Variants in PKDREJ observed in about 807,000 individuals in gnomAD.
The protein encoded by PKDREJ is polycystin family receptor for egg jelly.
For synonymous variants in PKDREJ, 1,031 were observed against 1,095.5 expected, an observed-to-expected ratio of 0.94 and a Z score of 1.16; for missense variants, 2,507 against 2,807.2, an observed-to-expected ratio of 0.89 and a Z score of 2.42.
Position 46,258,540 on chromosome 22 carries a change from T to A in PKDREJ, c.4783A>T (p.Ile1595Phe). 1.9e-6 allele frequency: 3 copies of A among 1,614,100 alleles called. No individual in the cohort carries two copies. Among genetic ancestry groups the A allele is most frequent in the Non-Finnish European group, 2.5e-6 (3 of 1,180,008 alleles). Residue 1595 changes from isoleucine to phenylalanine, a missense_variant, in exon 1 of 1, where the codon ATT becomes TTT. Transcript: ENST00000253255. The surrounding 1 kb of genome is among the most constrained non-coding windows in gnomAD (Gnocchi z 6.1). ...FATSSISSFF[I>F]VFYGLTYGYD... ...CCGTAAGTCAGTCCATAAAATACAATGAAGAATGAGGATATGCTAGAAGTA... is the reference window on the plus strand; with the variant it reads ...CCGTAAGTCAGTCCATAAAATACAAAGAAGAATGAGGATATGCTAGAAGTA...
Position 46,259,379 on chromosome 22 carries a change from T to G in PKDREJ, c.3944A>C (p.Lys1315Thr). ...RSPSWYLSRI[K>T]VENLFSRHIW... ...GTGCCTGCTAAACAGATTTTCCACT[T>G]TGATTCTACTTAAATACCAGCTAGG... is the stretch of plus-strand genomic sequence containing the variant. The change falls in exon 1 of 1, where the codon AAA becomes ACA. Residue 1315 changes from lysine to threonine, a missense_variant. Coordinates refer to ENST00000253255, the MANE Select transcript of PKDREJ (RefSeq NM_006071.2). This position sits in a 1 kb window ranked among gnomAD's most constrained non-coding sequence, Gnocchi z 6.8. 1.9e-6 allele frequency: 3 copies of G among 1,614,238 alleles called. No homozygotes were observed. The highest frequency in any genetic ancestry group is 2.5e-6 in the Non-Finnish European group (3 of 1,180,044).
rs967151357 is a variant in PKDREJ at position 46,261,899 on chromosome 22, C to T, written c.1424G>A (p.Arg475Lys). Residue 475 changes from arginine (R) to lysine (K), a missense_variant, in exon 1 of 1, where the codon AGA (arginine) becomes AAA (lysine). By Grantham distance (26) the Arg-to-Lys change is conservative. Transcript: ENST00000253255. The surrounding 1 kb of genome is among the most constrained non-coding windows in gnomAD (Gnocchi z 7.1). The part of the protein sequence containing the change: ...NCERNFIVSD[R>K]FSLFLNCTNC... ...TGTGCAATTTAGGAACAAAGAAAAT[C>T]TATCAGAGACAATGAAGTTTCTCTC... The T allele has an allele frequency of 6.2e-7, 1 of 1,614,032 alleles. No homozygotes were observed. The highest frequency in any genetic ancestry group is 1.3e-5 in the African/African-American group (1 of 75,042).
In PKDREJ at chr22:46,261,050, G is replaced by C; in HGVS notation, c.2273C>G (p.Thr758Ser). Residue 758 changes from threonine (T) to serine (S), a missense_variant, in exon 1 of 1, where the codon ACT becomes AGT. By Grantham distance (58) the Thr-to-Ser change is moderately conservative. Transcript: ENST00000253255. This position sits in a 1 kb window ranked among gnomAD's most constrained non-coding sequence, Gnocchi z 7.1. ...TLVEIGQVVM[T>S]ITKLTQKPSE... is the part of the protein sequence containing the mutation. Reference sequence around the variant, plus strand: ...GGGTTTCTGGGTTAATTTGGTAATAGTCATGACTACCTGGCCAATTTCTAC... The same window carrying C: ...GGGTTTCTGGGTTAATTTGGTAATACTCATGACTACCTGGCCAATTTCTAC... 3 of 1,614,116 alleles carry C rather than the reference G, an allele frequency of 1.9e-6. No homozygotes were observed. The highest frequency in any genetic ancestry group is 2.5e-6 in the Non-Finnish European group (3 of 1,180,016).
At position 46,262,620 on chromosome 22, in the gene PKDREJ, T is replaced by C. The variant is rs1378001995; in HGVS notation, c.703A>G (p.Met235Val). The change falls in exon 1 of 1, where the codon ATG (methionine) becomes GTG (valine). Residue 235 changes from methionine (M) to valine (V), a missense_variant. Coordinates refer to ENST00000253255, the MANE Select transcript of PKDREJ (RefSeq NM_006071.2). This position sits in a 1 kb window ranked among gnomAD's most constrained non-coding sequence, Gnocchi z 8.1. ...DQKGAPVRLSMQAEATINASV... is the reference protein window; with the variant it reads ...DQKGAPVRLSVQAEATINASV... ...GCGTTGATGGTGGCCTCCGCCTGCA[T>C]GCTCAGGCGCACGGGGGCGCCCTTC... The C allele has an allele frequency of 6.2e-7, 1 of 1,612,744 alleles. No homozygotes were observed. The highest frequency in any genetic ancestry group is 1.1e-5 in the South Asian group (1 of 91,020).
At position 46,260,088 on chromosome 22, in the gene PKDREJ, T is replaced by C. The variant is rs764902232; in HGVS notation, c.3235A>G (p.Ile1079Val). Residue 1079 changes from isoleucine (I) to valine (V), a missense_variant, in exon 1 of 1, where the codon ATA becomes GTA. Coordinates refer to ENST00000253255, the MANE Select transcript of PKDREJ (RefSeq NM_006071.2). This position sits in a 1 kb window ranked among gnomAD's most constrained non-coding sequence, Gnocchi z 4.5. Reference sequence around the variant, plus strand: ...ACAAAACGAGGTGCCTGCAGAACTATGGATACAGTACAGTGGGGAGAGTGG... The same window carrying C: ...ACAAAACGAGGTGCCTGCAGAACTACGGATACAGTACAGTGGGGAGAGTGG... ...HSHSPHCTVS[I>V]VLQAPRFVMK... 3 of 1,614,024 alleles carry C rather than the reference T, an allele frequency of 1.9e-6. No homozygotes were observed. The highest frequency in any genetic ancestry group is 2.5e-6 in the Non-Finnish European group (3 of 1,179,948).
In PKDREJ at chr22:46,262,411, CACAT is replaced by C. The variant is rs767894445; in HGVS notation, c.908_911del (p.Tyr303CysfsTer18). ...TGGTGATGGACACCGTGAAATTAAACACATACACTCCCCACTGTAACGAATTATT... is the reference window on the plus strand; with the variant it reads ...TGGTGATGGACACCGTGAAATTAAACACACTCCCCACTGTAACGAATTATT... On this transcript the variant is annotated frameshift_variant, in exon 1 of 1. Transcript: ENST00000253255. LOFTEE classifies it low-confidence loss of function (END_TRUNC). This position sits in a 1 kb window ranked among gnomAD's most constrained non-coding sequence, Gnocchi z 8.1. 3.2e-5 allele frequency: 51 copies of C among 1,613,496 alleles called. No individual in the cohort carries two copies. The highest frequency in any genetic ancestry group is 4.2e-5 in the Non-Finnish European group (50 of 1,179,616).
chr22:46,261,370 G>A lies in PKDREJ; in HGVS notation c.1953C>T (p.Val651=). ...SQYGLKIYAQ[V]YDSLGAFSQV... is the part of the protein sequence containing the mutation. Reference sequence around the variant, plus strand: ...GAGAAAAAGCTCCTAGAGAATCATAGACCTGGGCATATATCTTCAAGCCAT... The same window carrying A: ...GAGAAAAAGCTCCTAGAGAATCATAAACCTGGGCATATATCTTCAAGCCAT... The change falls in exon 1 of 1, where the codon GTC becomes GTT. Residue 651 remains valine (V), a synonymous_variant. Coordinates refer to ENST00000253255, the MANE Select transcript of PKDREJ (RefSeq NM_006071.2). The surrounding 1 kb of genome is among the most constrained non-coding windows in gnomAD (Gnocchi z 7.1). The A allele has an allele frequency of 1.2e-6, 2 of 1,613,848 alleles. No individual in the cohort carries two copies. The highest frequency in any genetic ancestry group is 1.7e-6 in the Non-Finnish European group (2 of 1,179,986).
chr22:46,261,013 A>G lies in PKDREJ; in HGVS notation c.2310T>C (p.Thr770=), dbSNP rs1457621933. ...TKLTQKPSEF[T]WDAQKRATMR... is the part of the protein sequence containing the mutation. ...TGGTGGCACGTTTCTGAGCATCCCA[A>G]GTGAATTCAGAGGGTTTCTGGGTTA... Residue 770 remains threonine, a synonymous_variant, in exon 1 of 1, where the codon ACT becomes ACC. Coordinates refer to ENST00000253255, the MANE Select transcript of PKDREJ (RefSeq NM_006071.2). This position sits in a 1 kb window ranked among gnomAD's most constrained non-coding sequence, Gnocchi z 7.1. 2 of 1,614,146 alleles carry G rather than the reference A, an allele frequency of 1.2e-6. No individual in the cohort carries two copies. Among genetic ancestry groups the G allele is most frequent in the African/African-American group, 2.7e-5 (2 of 75,030 alleles).
At position 46,262,237 on chromosome 22, in the gene PKDREJ, C is replaced by G. The variant is rs745819785; in HGVS notation, c.1086G>C (p.Ser362=). 30 of 1,614,044 alleles carry G rather than the reference C, an allele frequency of 1.9e-5. No individual in the cohort carries two copies. The highest frequency in any genetic ancestry group is 8.3e-5 in the Admixed American group (5 of 59,998). The change falls in exon 1 of 1, where the codon TCG becomes TCC. Residue 362 remains serine, a synonymous_variant. Transcript: ENST00000253255. This position sits in a 1 kb window ranked among gnomAD's most constrained non-coding sequence, Gnocchi z 8.1. ...EQLILDGSTS[S]DPDADSPLQG... is the part of the protein sequence containing the mutation. Reference sequence around the variant, plus strand: ...GTAACGGGCTGTCCGCATCTGGGTCCGAGGACGTGGACCCGTCCAGAATCA... The same window carrying G: ...GTAACGGGCTGTCCGCATCTGGGTCGGAGGACGTGGACCCGTCCAGAATCA...
chr22:46,262,619 A>G lies in PKDREJ; in HGVS notation c.704T>C (p.Met235Thr), dbSNP rs780232502. Residue 235 changes from methionine to threonine, a missense_variant, in exon 1 of 1, where the codon ATG (methionine) becomes ACG (threonine). Coordinates refer to ENST00000253255, the MANE Select transcript of PKDREJ (RefSeq NM_006071.2). The surrounding 1 kb of genome is among the most constrained non-coding windows in gnomAD (Gnocchi z 8.1). ...GGCGTTGATGGTGGCCTCCGCCTGC[A>G]TGCTCAGGCGCACGGGGGCGCCCTT... ...DQKGAPVRLS[M>T]QAEATINASV... is the part of the protein sequence containing the mutation. The G allele has an allele frequency of 1.9e-6, 3 of 1,612,758 alleles. No homozygotes were observed. The highest frequency in any genetic ancestry group is 2.5e-6 in the Non-Finnish European group (3 of 1,179,656).
Position 46,257,064 on chromosome 22 carries a change from G to T in PKDREJ, c.6259C>A (p.Pro2087Thr). ...LAQRAIQAAL[P>T]GICHMAFVVS... ...ACAAATGCCATGTGGCAGATGCCAG[G>T]GAGGGCAGCCTGGATGGCCCTCTGA... Residue 2087 changes from proline to threonine, a missense_variant, in exon 1 of 1, where the codon CCT becomes ACT. Physicochemically the swap from Pro to Thr is conservative, Grantham distance 38. Transcript: ENST00000253255. This position sits in a 1 kb window ranked among gnomAD's most constrained non-coding sequence, Gnocchi z 4.7. The T allele has an allele frequency of 6.2e-7, 1 of 1,613,918 alleles. No individual in the cohort carries two copies. Among genetic ancestry groups the T allele is most frequent in the Non-Finnish European group, 8.5e-7 (1 of 1,179,986 alleles).
At position 46,257,713 on chromosome 22, in the gene PKDREJ, A is replaced by T. The variant is rs757999791; in HGVS notation, c.5610T>A (p.Tyr1870Ter). ...CAGATCCATAGGTGTGTAGTAGTCC[A>T]TAGGAATAATATAGCCATTGCGTTC... ...PQGTQWLYYSYGLLHTYGSGG... is the reference protein window; with the variant it reads ...PQGTQWLYYS Residue 1870 changes from tyrosine (Y) to a stop codon, truncating the protein, a stop_gained, in exon 1 of 1, where the codon TAT becomes TAA. Coordinates refer to ENST00000253255, the MANE Select transcript of PKDREJ (RefSeq NM_006071.2). LOFTEE classifies it low-confidence loss of function (END_TRUNC). The surrounding 1 kb of genome is among the most constrained non-coding windows in gnomAD (Gnocchi z 4.7). 5 of 1,614,104 alleles carry T rather than the reference A, an allele frequency of 3.1e-6. No homozygotes were observed. The highest frequency in any genetic ancestry group is 4.2e-6 in the Non-Finnish European group (5 of 1,180,044).
rs752448810 is a variant in PKDREJ at position 46,258,663 on chromosome 22, G to A, written c.4660C>T (p.Gln1554Ter). ...TGGAGATCCTTTTGGGAAGGGTGCT[G>A]TTCGGAATGGACATCCTGATCATCT... ...IEDDQDVHSE[Q>*]HPSQKDLQQL... is the part of the protein sequence containing the mutation. The change falls in exon 1 of 1, where the codon CAG becomes TAG. Residue 1554 changes from glutamine (Q) to a stop codon, truncating the protein, a stop_gained. Transcript: ENST00000253255. LOFTEE classifies it low-confidence loss of function (END_TRUNC). The surrounding 1 kb of genome is among the most constrained non-coding windows in gnomAD (Gnocchi z 6.1). 1.2e-6 allele frequency: 2 copies of A among 1,614,094 alleles called. No homozygotes were observed. The highest frequency in any genetic ancestry group is 2.7e-5 in the African/African-American group (2 of 74,916).
chr22:46,257,859 G>T lies in PKDREJ; in HGVS notation c.5464C>A (p.His1822Asn), dbSNP rs1395245924. The T allele has an allele frequency of 1.2e-6, 2 of 1,614,016 alleles. No homozygotes were observed. Among genetic ancestry groups the T allele is most frequent in the African/African-American group, 1.3e-5 (1 of 74,922 alleles). Residue 1822 changes from histidine (H) to asparagine (N), a missense_variant, in exon 1 of 1, where the codon CAT (histidine) becomes AAT (asparagine). Coordinates refer to ENST00000253255, the MANE Select transcript of PKDREJ (RefSeq NM_006071.2). The surrounding 1 kb of genome is among the most constrained non-coding windows in gnomAD (Gnocchi z 4.7). ...FVQNSIRREI[H>N]CHPKYGIDPE... ...TCAATGCCATATTTGGGGTGACAATGAATTTCTCTTCTGATGCTGTTTTGC... is the reference window on the plus strand; with the variant it reads ...TCAATGCCATATTTGGGGTGACAATTAATTTCTCTTCTGATGCTGTTTTGC...
Position 46,259,208 on chromosome 22 carries a change from C to T in PKDREJ, c.4115G>A (p.Trp1372Ter). 2 of 1,613,704 alleles carry T rather than the reference C, an allele frequency of 1.2e-6. No homozygotes were observed. The highest frequency in any genetic ancestry group is 1.1e-5 in the South Asian group (1 of 90,948). ...AACAACACTAGCAAAAATAGAGAAC[C>T]ACATGTGGTTTTTCCGGAGATTACT... ...VSSNLRKNHMWFSIFASVVAK... is the reference protein window; with the variant it reads ...VSSNLRKNHM Residue 1372 changes from tryptophan to a stop codon, truncating the protein, a stop_gained, in exon 1 of 1, where the codon TGG becomes TAG. Transcript: ENST00000253255. LOFTEE classifies it low-confidence loss of function (END_TRUNC). The surrounding 1 kb of genome is among the most constrained non-coding windows in gnomAD (Gnocchi z 6.8).
chr22:46,257,780 G>A lies in PKDREJ; in HGVS notation c.5543C>T (p.Ala1848Val). The A allele has an allele frequency of 1.9e-6, 3 of 1,614,110 alleles. No homozygotes were observed. The highest frequency in any genetic ancestry group is 2.5e-6 in the Non-Finnish European group (3 of 1,179,972). ...SGFWNEVDKQ[A>V]IDESTNGFTY... is the part of the protein sequence containing the mutation. ...AAATCCATTGGTACTCTCATCTATA[G>A]CCTGCTTATCAACTTCATTCCAAAA... The change falls in exon 1 of 1, where the codon GCT (alanine) becomes GTT (valine). Residue 1848 changes from alanine to valine, a missense_variant. Ala to Val is a moderately conservative substitution (Grantham distance 64). Coordinates refer to ENST00000253255, the MANE Select transcript of PKDREJ (RefSeq NM_006071.2). This position sits in a 1 kb window ranked among gnomAD's most constrained non-coding sequence, Gnocchi z 4.7.
rs372425272 is a variant in PKDREJ at position 46,262,690 on chromosome 22, C to T, written c.633G>A (p.Gln211=). 2.4e-5 allele frequency: 39 copies of T among 1,613,088 alleles called. No homozygotes were observed. The Admixed American group carries it at 3.5e-4, about 14-fold the overall frequency. The change falls in exon 1 of 1, where the codon CAG becomes CAA. Residue 211 remains glutamine, a synonymous_variant. Coordinates refer to ENST00000253255, the MANE Select transcript of PKDREJ (RefSeq NM_006071.2). The surrounding 1 kb of genome is among the most constrained non-coding windows in gnomAD (Gnocchi z 8.1). The stretch of plus-strand genomic sequence containing the variant: ...CGCGCTGGATGACGCAGGCGTTTAT[C>T]TGACAGGACACGGACGACTCGACGG... ...HRAVESSVSC[Q]INACVIQRVR... is the part of the protein sequence containing the mutation.
In PKDREJ at chr22:46,261,540, T is replaced by G; in HGVS notation, c.1783A>C (p.Thr595Pro). 6.2e-7 allele frequency: 1 copy of G among 1,614,156 alleles called. No individual in the cohort carries two copies. The highest frequency in any genetic ancestry group is 8.5e-7 in the Non-Finnish European group (1 of 1,179,994). ...AAATCAGAAACAATTATTTTATATGTAAGAGGGACGTGCTTATCCCTAAAA... is the reference window on the plus strand; with the variant it reads ...AAATCAGAAACAATTATTTTATATGGAAGAGGGACGTGCTTATCCCTAAAA... Reference protein sequence around the residue: ...SNFRDKHVPLTYKIIVSDLHS... With the variant: ...SNFRDKHVPLPYKIIVSDLHS... The change falls in exon 1 of 1, where the codon ACA (threonine) becomes CCA (proline). Residue 595 changes from threonine (T) to proline (P), a missense_variant. Coordinates refer to ENST00000253255, the MANE Select transcript of PKDREJ (RefSeq NM_006071.2). The surrounding 1 kb of genome is among the most constrained non-coding windows in gnomAD (Gnocchi z 7.1).
Position 46,263,162 on chromosome 22 carries a change from C to T in PKDREJ, c.161G>A (p.Arg54His). The T allele has an allele frequency of 1.6e-6, 2 of 1,247,402 alleles. No individual in the cohort carries two copies. The highest frequency in any genetic ancestry group is 2.0e-6 in the Non-Finnish European group (2 of 999,176). The allele number at this position is 1,247,402 out of a possible 1,614,324, so 77.3% of individuals were successfully genotyped here. A position where few individuals can be genotyped will look rare whatever the true frequency, so the allele number is the denominator to read the frequency against. ...GCTGGGCCGCAGACTGAGGAGGGCGCGGCCGCCGCGCACCCCGAGGCCCGG... is the reference window on the plus strand; with the variant it reads ...GCTGGGCCGCAGACTGAGGAGGGCGTGGCCGCCGCGCACCCCGAGGCCCGG... ...GAPGLGVRGGRALLSLRPSAV... is the reference protein window; with the variant it reads ...GAPGLGVRGGHALLSLRPSAV... The change falls in exon 1 of 1, where the codon CGC (arginine) becomes CAC (histidine). Residue 54 changes from arginine to histidine, a missense_variant. Physicochemically the swap from Arg to His is conservative, Grantham distance 29 (BLOSUM62 0). Coordinates refer to ENST00000253255, the MANE Select transcript of PKDREJ (RefSeq NM_006071.2). The surrounding 1 kb of genome is among the most constrained non-coding windows in gnomAD (Gnocchi z 9.4).
Sources: allele counts gnomAD v4.1 joint callset, GRCh38; gene constraint gnomAD v4.1.1; non-coding constraint Gnocchi (gnomAD v3.1); transcripts MANE v1.5; gene names NCBI Gene and HGNC (gene_info 2026-07-23, HGNC 2026-07-21).